NXPE3: variants seen among roughly 807,000 people sequenced by gnomAD.
NXPE3 encodes neurexophilin and PC-esterase domain family member 3, also known as NXPE family member 3.
Under a neutral mutation model 46.1 loss-of-function variants are expected in NXPE3, and 26 were observed. The ratio of observed to expected loss-of-function variants is 0.56; its 90% CI spans 0.41 to 0.78. The LOEUF (loss-of-function observed/expected upper bound fraction) is 0.78. Among genes scored for constraint, NXPE3 ranks in the 30% least tolerant of loss-of-function variants. The probability of loss-of-function intolerance (pLI) is 0.00; values close to 1 mark genes in which losing one functional copy is unlikely to be tolerated. For synonymous variants in NXPE3, 272 were observed against 257.9 expected (o/e 1.05, Z -0.52); for missense variants, 620 against 686.0 (o/e 0.90, Z 1.07).
rs1942371649 is a variant in NXPE3, at chr3:101,823,929, A to G, written c.*1975A>G. 6.6e-6 allele frequency: 1 copy of G among 151,604 alleles called. No homozygotes were observed. The highest frequency in any genetic ancestry group is 1.5e-5 in the Non-Finnish European group (1 of 67,990). 9.4% of individuals were successfully genotyped at this position (151,604 alleles called of 1,614,324 possible). A position where few individuals can be genotyped will look rare whatever the true frequency, so the allele number is the denominator to read the frequency against. On this transcript the variant is annotated 3_prime_UTR_variant, in exon 8 of 8. Coordinates refer to ENST00000273347, the MANE Select transcript of NXPE3 (RefSeq NM_145037.4). ...GCCATGGTGAAACCCCATCTCTACA[A>G]AAAAATACAAAAACTAGCTGGGTGT...
rs1369820172 is a variant in NXPE3 at position 101,823,599 on chromosome 3, CCTCAT to C, written c.*1649_*1653del. ...GACCAGCCTGGGCAACATAGTAAGACCTCATCTCTACAAAAAATAAAAAATTATCC... is the reference window on the plus strand; with the variant it reads ...GACCAGCCTGGGCAACATAGTAAGACCTCTACAAAAAATAAAAAATTATCC... On this transcript the variant is annotated 3_prime_UTR_variant, in exon 8 of 8. Coordinates refer to ENST00000273347, the MANE Select transcript of NXPE3 (RefSeq NM_145037.4). 1 of 151,634 alleles carries C rather than the reference CCTCAT, an allele frequency of 6.6e-6. No homozygotes were observed. The highest frequency in any genetic ancestry group is 1.5e-5 in the Non-Finnish European group (1 of 68,010). 9.4% of individuals were successfully genotyped at this position (151,634 alleles called of 1,614,324 possible).
intron 5 of NXPE3, 24 bp from the exon 6 acceptor site, chr3:101,807,029 T>C: frequency 1.3e-6 from 2 of 1,546,638 alleles, no homozygotes; most frequent in Non-Finnish European, 8.9e-7. Flanking sequence ...AACCTGAGCT[T>C]GTGCTTTTTT....
Position 101,817,040 on chromosome 3 carries a change from A to G in NXPE3, c.1129+39A>G, listed in dbSNP as rs748559842. On this transcript the variant is annotated intron_variant, in intron 7 of 7. Transcript: ENST00000273347. The stretch of plus-strand genomic sequence containing the variant: ...CTTTTGTTTCGTAACTCTTTCCCAC[A>G]TCAGCTTTGAAATAAGCAGACTCAC... 3 of 1,559,394 alleles carry G rather than the reference A, an allele frequency of 1.9e-6. No individual in the cohort carries two copies. The East Asian group carries it at 6.7e-5, about 35-fold the overall frequency.
rs1324990631 is a variant in NXPE3, at chr3:101,826,071, G to A, written c.*4117G>A. The A allele has an allele frequency of 3.9e-5, 6 of 152,156 alleles. No individual in the cohort carries two copies. Among genetic ancestry groups the A allele is most frequent in the African/African-American group, 1.4e-4 (6 of 41,450 alleles). 9.4% of individuals were successfully genotyped at this position (152,156 alleles called of 1,614,324 possible). A position where few individuals can be genotyped will look rare whatever the true frequency, so the allele number is the denominator to read the frequency against. On this transcript the variant is annotated 3_prime_UTR_variant, in exon 8 of 8. Transcript: ENST00000273347. ...ATTTAACTGACACTTCCTGGATTCA[G>A]TTATTAAGTTTCAGATTGAAACTTG... is the stretch of plus-strand genomic sequence containing the variant.
intron 6 of NXPE3, among the ~76,000 whole-genome samples, chr3:101,809,313 A>G (rs1941600642): frequency 6.6e-6 from 1 of 152,182 alleles, no homozygotes; most frequent in Non-Finnish European, 1.5e-5. Context: ...GAGAAGGGCA[A>G]TTGATTTATG....
At chr3:101,802,317 C>A (rs1941209031) in intron 5 of NXPE3, among the ~76,000 whole-genome samples, 1 of 150,452 alleles carries the variant, frequency 6.6e-6, no homozygotes, top group Non-Finnish European at 1.5e-5. Flanking sequence ...ATTCACAGAA[C>A]AGATAGAAGT....
At chr3:101,780,899 G>T (rs1051926280) in intron 1 of NXPE3, among the ~76,000 whole-genome samples, 2 of 152,200 alleles carry the variant, frequency 1.3e-5, no homozygotes, top group African/African-American at 4.8e-5. Context: ...GGAATCTGTG[G>T]AAACAAGTCC....
At chr3:101,794,590 G>A in intron 4 of NXPE3, among the ~76,000 whole-genome samples, 1 of 152,166 alleles carries the variant, frequency 6.6e-6, no homozygotes, top group East Asian at 1.9e-4. Flanking sequence ...GACCTTAAGT[G>A]TGCATGGCAC....
chr3:101,810,025 A>G (rs1041505400), intron 6 of NXPE3, among the ~76,000 whole-genome samples: 2 of 152,222 alleles, frequency 1.3e-5, no homozygotes, highest in African/African-American at 4.8e-5. Flanking sequence ...AGGTAAAACT[A>G]TTGTTAAGAT....
rs1942377266 is a variant in NXPE3 at position 101,824,024 on chromosome 3, G to A, written c.*2070G>A. The A allele has an allele frequency of 6.7e-6, 1 of 150,242 alleles. No individual in the cohort carries two copies. The allele number at this position is 150,242 out of a possible 1,614,324, so 9.3% of individuals were successfully genotyped here. On this transcript the variant is annotated 3_prime_UTR_variant, in exon 8 of 8. Coordinates refer to ENST00000273347, the MANE Select transcript of NXPE3 (RefSeq NM_145037.4). ...GAGGATTGCTTGAGCCCAGGAGGCA[G>A]AAGGTTGCAGAGGTTGCAGTGAGCC...
At chr3:101,803,435 T>C (rs1329766490) in intron 5 of NXPE3, among the ~76,000 whole-genome samples, 1 of 152,232 alleles carries the variant, frequency 6.6e-6, no homozygotes, top group Non-Finnish European at 1.5e-5. Flanking sequence ...TATGGCTCAG[T>C]ACAAAATGAA....
At chr3:101,813,180 A>G (rs1289157252) in intron 6 of NXPE3, among the ~76,000 whole-genome samples, 1 of 152,122 alleles carries the variant, frequency 6.6e-6, no homozygotes, top group African/African-American at 2.4e-5. Context: ...TCCTATGCTC[A>G]TGGCAGTCTC....
chr3:101,799,316 T>G (rs756908009), intron 4 of NXPE3, among the ~76,000 whole-genome samples: 6 of 152,230 alleles, frequency 3.9e-5, no homozygotes, highest in Non-Finnish European at 7.3e-5. Flanking sequence ...ATTTTATTTC[T>G]ATATATAACA....
At chr3:101,789,983 A>G (rs914836497) in intron 4 of NXPE3, among the ~76,000 whole-genome samples, 3 of 152,188 alleles carry the variant, frequency 2.0e-5, no homozygotes, top group Non-Finnish European at 4.4e-5. Flanking sequence ...GAGCCACTGC[A>G]TCCAGCCCCA....
At chr3:101,793,627 C>CTTTTT in intron 4 of NXPE3, among the ~76,000 whole-genome samples, 11 of 19,408 alleles carry the variant, frequency 5.7e-4, no homozygotes, top group Admixed American at 1.8e-3. Context: ...TTGACAAGGT[C>CTTTTT]TTTTTTTTTT....
chr3:101,793,656 T>TTA (rs1940652141), intron 4 of NXPE3, among the ~76,000 whole-genome samples: 1 of 131,854 alleles, frequency 7.6e-6, no homozygotes, highest in Non-Finnish European at 1.6e-5. Context: ...TTTTTTTTTT[T>TTA]ATCTGTGCTT....
chr3:101,792,187 A>G (rs1940557778), intron 4 of NXPE3, among the ~76,000 whole-genome samples: 1 of 152,196 alleles, frequency 6.6e-6, no homozygotes, highest in African/African-American at 2.4e-5. Context: ...CATAGTTTGC[A>G]AATATTTTCT....
chr3:101,797,315 G>A (rs907088059), intron 4 of NXPE3, among the ~76,000 whole-genome samples: 1 of 152,006 alleles, frequency 6.6e-6, no homozygotes, highest in Non-Finnish European at 1.5e-5. Context: ...GTGTATCATG[G>A]GTGGTTAAGA....
intron 1 of NXPE3, chr3:101,779,951 C>T (rs1164372080): frequency 1.3e-5 from 2 of 152,324 alleles, no homozygotes; most frequent in Non-Finnish European, 2.9e-5. Flanking sequence ...TATGGAGACC[C>T]TGGCCTGTTG....
Sources: gnomAD v4.1 joint callset for allele counts (sites outside exome capture counted in the v4.1 genomes callset) on GRCh38, gnomAD v4.1.1 for gene constraint, MANE v1.5 for transcripts, NCBI Gene and HGNC (gene_info 2026-07-23, HGNC 2026-07-21) for gene names.